RNGTT: variants seen among roughly 807,000 people sequenced by gnomAD.
RNGTT encodes RNA guanylyltransferase and 5'-phosphatase.
In RNGTT, 33 loss-of-function variants were observed where a neutral mutation model predicts 79.3. That is an observed-to-expected ratio of 0.42 (90% CI 0.32 to 0.56). The LOEUF (loss-of-function observed/expected upper bound fraction) is 0.56, where lower values mean the gene tolerates loss of function less well. Among genes scored for constraint, RNGTT ranks in the 20% least tolerant of loss-of-function variants. RNGTT has a pLI of 0.17. For missense variants in RNGTT, 497 were observed against 739.1 expected (o/e 0.67, Z 3.80); for synonymous variants, 222 against 235.9 (o/e 0.94, Z 0.54).
At chr6:88,639,836 T>G (rs181051768) in intron 14 of RNGTT, among the ~76,000 whole-genome samples, 1 of 152,296 alleles carries the variant, frequency 6.6e-6, no homozygotes, top group East Asian at 1.9e-4. Context: ...ATTAAGGAAT[T>G]TATTCATTTG....
chr6:88,829,610 T>C (rs1266312517), intron 11 of RNGTT, among the ~76,000 whole-genome samples: 1 of 150,866 alleles, frequency 6.6e-6, no homozygotes, highest in African/African-American at 2.4e-5. Context: ...GACCCATCAG[T>C]GTGCTGTATT....
chr6:88,841,974 A>T (rs1781308485), intron 11 of RNGTT, among the ~76,000 whole-genome samples: 2 of 152,230 alleles, frequency 1.3e-5, no homozygotes, highest in African/African-American at 4.8e-5. Flanking sequence ...AATACATTTA[A>T]ATTCTGATAA....
intron 12 of RNGTT, among the ~76,000 whole-genome samples, chr6:88,780,410 GAAAT>G (rs1334977447): frequency 6.6e-6 from 1 of 152,036 alleles, no homozygotes; most frequent in Non-Finnish European, 1.5e-5. Flanking sequence ...AAGCCTTTTA[GAAAT>G]AAATATTTAT....
chr6:88,715,477 T>C (rs990006296), intron 13 of RNGTT, among the ~76,000 whole-genome samples: 4 of 152,084 alleles, frequency 2.6e-5, no homozygotes, highest in East Asian at 1.9e-4. Flanking sequence ...TTAAAGTTCA[T>C]ATGGAACCAA....
intron 14 of RNGTT, among the ~76,000 whole-genome samples, chr6:88,627,880 C>T (rs1360824178): frequency 6.6e-6 from 1 of 152,132 alleles, no homozygotes; most frequent in Non-Finnish European, 1.5e-5. Flanking sequence ...TACCTCAAGT[C>T]AATGCAAAGT....
intron 8 of RNGTT, among the ~76,000 whole-genome samples, chr6:88,888,943 G>A (rs888819153): frequency 7.9e-5 from 12 of 152,140 alleles, no homozygotes; most frequent in Admixed American, 2.0e-4. Context: ...CAGCAGAATC[G>A]CTTGAACCTG....
At chr6:88,929,571 T>C (rs980291767) in intron 2 of RNGTT, among the ~76,000 whole-genome samples, 1 of 152,092 alleles carries the variant, frequency 6.6e-6, no homozygotes, top group African/African-American at 2.4e-5. Flanking sequence ...ATGCTAGAGT[T>C]TTCTCTAGTG....
chr6:88,639,243 T>C (rs1217901986), intron 14 of RNGTT, among the ~76,000 whole-genome samples: 1 of 152,134 alleles, frequency 6.6e-6, no homozygotes, highest in Non-Finnish European at 1.5e-5. Flanking sequence ...ACGAGGCTTT[T>C]AAAGTAAGTA....
intron 4 of RNGTT, among the ~76,000 whole-genome samples, chr6:88,918,230 G>A (rs1784058956): frequency 6.6e-6 from 1 of 152,094 alleles, no homozygotes; most frequent in African/African-American, 2.4e-5. Context: ...GGTTGAGGTG[G>A]GAAGATTGCT....
At chr6:88,760,873 A>ATTTTT (rs34821654) in intron 13 of RNGTT, among the ~76,000 whole-genome samples, 1 of 143,194 alleles carries the variant, frequency 7.0e-6, no homozygotes, top group African/African-American at 2.6e-5. Context: ...TGAGAAAACG[A>ATTTTT]TTTTTTTTTT....
chr6:88,931,082 C>T (rs1297740671), intron 2 of RNGTT, among the ~76,000 whole-genome samples: 2 of 149,858 alleles, frequency 1.3e-5, no homozygotes, highest in African/African-American at 4.9e-5. Flanking sequence ...TTCCAATAAG[C>T]ATTTCCTTTG....
At chr6:88,866,912 A>T (rs2127917556) in intron 8 of RNGTT, among the ~76,000 whole-genome samples, 1 of 152,318 alleles carries the variant, frequency 6.6e-6, no homozygotes. Flanking sequence ...GGGACCTTGT[A>T]AAAACCACTT....
intron 14 of RNGTT, among the ~76,000 whole-genome samples, chr6:88,642,670 T>C (rs944664625): frequency 1.3e-5 from 2 of 152,150 alleles, no homozygotes; most frequent in Non-Finnish European, 2.9e-5. Flanking sequence ...ATTCCATCAT[T>C]TGCTGAATTT....
chr6:88,666,629 A>C (rs1774420351), intron 14 of RNGTT, among the ~76,000 whole-genome samples: 1 of 152,202 alleles, frequency 6.6e-6, no homozygotes, highest in South Asian at 2.1e-4. Context: ...AACTGTGTAG[A>C]GGTGTTGGAC....
intron 6 of RNGTT, among the ~76,000 whole-genome samples, chr6:88,893,427 G>A (rs1783119623): frequency 6.6e-6 from 1 of 151,930 alleles, no homozygotes; most frequent in Non-Finnish European, 1.5e-5. Flanking sequence ...TAAAAGCAAA[G>A]GCCAAATTAA....
At chr6:88,954,117 C>G (rs1394266114) in intron 1 of RNGTT, among the ~76,000 whole-genome samples, 2 of 152,114 alleles carry the variant, frequency 1.3e-5, no homozygotes, top group African/African-American at 4.8e-5. Context: ...ATGAATAGAA[C>G]AGTACCTTAT....
chr6:88,923,819 TA>T (rs138530033), intron 4 of RNGTT, among the ~76,000 whole-genome samples: 1 of 151,498 alleles, frequency 6.6e-6, no homozygotes, highest in Non-Finnish European at 1.5e-5. Flanking sequence ...TAAGTTGATT[TA>T]AAAAAAAACA....
chr6:88,944,006 G>A (rs764255528), intron 1 of RNGTT, among the ~76,000 whole-genome samples: 3 of 152,044 alleles, frequency 2.0e-5, no homozygotes, highest in Non-Finnish European at 4.4e-5. Context: ...CAATATCAAA[G>A]GCAATCCTAC....
chr6:88,617,673 T>C (rs1003906724), intron 14 of RNGTT, among the ~76,000 whole-genome samples: 1 of 152,196 alleles, frequency 6.6e-6, no homozygotes, highest in African/African-American at 2.4e-5. Flanking sequence ...TTGGGGTCTA[T>C]TGAGATTCTG....
Sources: gnomAD v4.1 joint callset for allele counts (sites outside exome capture counted in the v4.1 genomes callset) on GRCh38, gnomAD v4.1.1 for gene constraint, MANE v1.5 for transcripts, NCBI Gene and HGNC (gene_info 2026-07-23, HGNC 2026-07-21) for gene names.